ADGRB3: variants seen among roughly 807,000 people sequenced by gnomAD.
The protein encoded by ADGRB3 is brain-specific angiogenesis inhibitor 3.
A neutral mutation model predicts 193.4 loss-of-function variants in ADGRB3; 37 were observed. That is an observed-to-expected ratio of 0.19 (90% CI 0.15 to 0.25). The LOEUF is 0.25. ADGRB3 is among the 10% of genes least tolerant of loss of function. The probability of loss-of-function intolerance (pLI) is 1.00; values close to 1 mark genes in which losing one functional copy is unlikely to be tolerated. For synonymous variants in ADGRB3, 690 were observed against 644.2 expected (o/e 1.07, Z -1.08); for missense variants, 1,637 against 1,852.9 (o/e 0.88, Z 2.14).
intron 17 of ADGRB3, among the ~76,000 whole-genome samples, chr6:69,191,698 A>G (rs1765191488): frequency 6.6e-6 from 1 of 152,178 alleles, no homozygotes; most frequent in Non-Finnish European, 1.5e-5. Context: ...AGTGCGTGCT[A>G]TATGCCTGTC....
At chr6:69,323,774 A>G (rs1768511560) in intron 20 of ADGRB3, among the ~76,000 whole-genome samples, 1 of 152,108 alleles carries the variant, frequency 6.6e-6, no homozygotes, top group Non-Finnish European at 1.5e-5. Flanking sequence ...CTAAGTCAAC[A>G]TCTGGTGAAA....
At chr6:69,157,675 TGCCATTG>T in intron 17 of ADGRB3, among the ~76,000 whole-genome samples, 1 of 151,362 alleles carries the variant, frequency 6.6e-6, no homozygotes, top group African/African-American at 2.4e-5. Flanking sequence ...TTGCATTTTT[TGCCATTG>T]AAAGTAATAT....
At position 68,974,800 on chromosome 6, in the gene ADGRB3, G is replaced by T; in HGVS notation, c.1563G>T (p.Ser521=). 1.9e-6 allele frequency: 3 copies of T among 1,613,922 alleles called. No homozygotes were observed. Among genetic ancestry groups the T allele is most frequent in the Non-Finnish European group, 2.5e-6 (3 of 1,179,934 alleles). ...YEICPEDYLM[S]MVWKRTPAGD... ...TATGCCCTGAGGATTATCTGATGTC[G>T]ATGGTGTGGAAAAGAACTCCAGCAG... The change falls in exon 9 of 32, where the codon TCG becomes TCT. Residue 521 remains serine, a synonymous_variant. Transcript: ENST00000370598.
chr6:69,098,115 A>C (rs1772936806), intron 17 of ADGRB3, among the ~76,000 whole-genome samples: 2 of 152,278 alleles, frequency 1.3e-5, no homozygotes, highest in South Asian at 4.1e-4. Context: ...ACCAATTAAA[A>C]TAGTGCAGCT....
chr6:69,338,255 T>C (rs977259724), intron 24 of ADGRB3, among the ~76,000 whole-genome samples: 12 of 152,180 alleles, frequency 7.9e-5, no homozygotes, highest in Non-Finnish European at 1.2e-4. Context: ...TTGAACTTAA[T>C]GACTATGTTA....
chr6:68,837,442 G>T (rs1420981183), intron 3 of ADGRB3, among the ~76,000 whole-genome samples: 2 of 152,072 alleles, frequency 1.3e-5, no homozygotes, highest in Non-Finnish European at 2.9e-5. Flanking sequence ...TTGTGCAACT[G>T]TTCAAATATC....
At chr6:69,000,393 A>C (rs968168399) in intron 11 of ADGRB3, among the ~76,000 whole-genome samples, 7 of 152,218 alleles carry the variant, frequency 4.6e-5, no homozygotes, top group Non-Finnish European at 1.0e-4. Flanking sequence ...TTCAGTTAAA[A>C]TACACCTTAT....
At chr6:69,353,209 G>GT (rs1769265396) in intron 26 of ADGRB3, among the ~76,000 whole-genome samples, 1 of 152,172 alleles carries the variant, frequency 6.6e-6, no homozygotes, top group Non-Finnish European at 1.5e-5. Context: ...TCCTTGACTT[G>GT]TTTTTTAACA....
intron 17 of ADGRB3, among the ~76,000 whole-genome samples, chr6:69,090,896 C>T (rs1438566490): frequency 6.6e-6 from 1 of 152,018 alleles, no homozygotes; most frequent in African/African-American, 2.4e-5. Flanking sequence ...CCCATATTCT[C>T]ACTATTAGAA....
At chr6:68,643,254 T>A (rs926519063) in intron 3 of ADGRB3, among the ~76,000 whole-genome samples, 2 of 152,156 alleles carry the variant, frequency 1.3e-5, no homozygotes, top group African/African-American at 2.4e-5. Context: ...ACCATAGGCC[T>A]GTGTAGACTT....
intron 17 of ADGRB3, among the ~76,000 whole-genome samples, chr6:69,191,983 G>A (rs1258357547): frequency 6.6e-6 from 1 of 152,126 alleles, no homozygotes; most frequent in Non-Finnish European, 1.5e-5. Flanking sequence ...AACTTGGAAG[G>A]CAAGGTCCTG....
chr6:69,308,836 A>G (rs749756482), intron 20 of ADGRB3, among the ~76,000 whole-genome samples: 1 of 151,656 alleles, frequency 6.6e-6, no homozygotes, highest in Non-Finnish European at 1.5e-5. Flanking sequence ...CCAGCTGACA[A>G]CAAGGAGGAA....
At chr6:69,275,613 A>C (rs1767285119) in intron 20 of ADGRB3, among the ~76,000 whole-genome samples, 1 of 152,002 alleles carries the variant, frequency 6.6e-6, no homozygotes, top group Admixed American at 6.6e-5. Flanking sequence ...ATACACATGC[A>C]AAAAAGTCTC....
intron 11 of ADGRB3, among the ~76,000 whole-genome samples, chr6:69,010,918 A>G (rs1769914241): frequency 6.6e-6 from 1 of 152,046 alleles, no homozygotes; most frequent in South Asian, 2.1e-4. Context: ...ATCACCATTA[A>G]TGGAGTTTTA....
chr6:68,741,168 G>A (rs753561334), intron 3 of ADGRB3, among the ~76,000 whole-genome samples: 12 of 152,086 alleles, frequency 7.9e-5, no homozygotes, highest in Non-Finnish European at 1.2e-4. Flanking sequence ...GGCTTCCTAT[G>A]TGCTAGGCAC....
chr6:68,945,850 C>A (rs539666418), intron 6 of ADGRB3, among the ~76,000 whole-genome samples: 6 of 152,216 alleles, frequency 3.9e-5, no homozygotes, highest in African/African-American at 1.2e-4. Context: ...GGTTGTGGAA[C>A]TTTATCACTC....
intron 3 of ADGRB3, among the ~76,000 whole-genome samples, chr6:68,860,451 T>G (rs1369675285): frequency 1.3e-5 from 2 of 152,202 alleles, no homozygotes; most frequent in Admixed American, 6.5e-5. Context: ...GTGTTCTCAT[T>G]CTTTTGCTCC....
At chr6:68,946,828 G>A (rs1435542742) in intron 6 of ADGRB3, among the ~76,000 whole-genome samples, 1 of 152,054 alleles carries the variant, frequency 6.6e-6, no homozygotes, top group Non-Finnish European at 1.5e-5. Flanking sequence ...AACCACTCTA[G>A]CGAAATAGAC....
At chr6:68,983,237 A>G (rs1768978196) in intron 10 of ADGRB3, among the ~76,000 whole-genome samples, 1 of 151,880 alleles carries the variant, frequency 6.6e-6, no homozygotes, top group Non-Finnish European at 1.5e-5. Context: ...TTTTAACCTT[A>G]TAACTTACTA....
Sources: allele counts gnomAD v4.1 joint callset (sites outside exome capture counted in the v4.1 genomes callset), GRCh38; gene constraint gnomAD v4.1.1; transcripts MANE v1.5; gene names NCBI Gene and HGNC (gene_info 2026-07-23, HGNC 2026-07-21).